The following PIK3C2G variants were observed in gnomAD, a reference collection of about 807,000 sequenced individuals.
PIK3C2G encodes phosphatidylinositol 3-kinase C2 domain-containing subunit gamma.
A neutral mutation model predicts 181.1 loss-of-function variants in PIK3C2G; 168 were observed. The observed-to-expected ratio is 0.93, with a 90% CI of 0.82 to 1.05. PIK3C2G has a LOEUF of 1.05. Ranked by LOEUF, PIK3C2G falls within the 50% of genes least tolerant of loss-of-function variation. PIK3C2G has a pLI of 0.00. For synonymous variants in PIK3C2G, 573 were observed against 592.2 expected, an observed-to-expected ratio of 0.97 and a Z score of 0.47; for missense variants, 1,869 against 1,732.8, an observed-to-expected ratio of 1.08 and a Z score of -1.40.
upstream of PIK3C2G, among the ~76,000 whole-genome samples, chr12:18,246,518 G>T (rs886610109): frequency 2.0e-5 from 3 of 151,782 alleles, no homozygotes; most frequent in Admixed American, 6.6e-5. Flanking sequence ...CAAAGATCTG[G>T]GTTAGATTCC....
the PIK3C2G span, chr12:18,683,115 C>T: frequency 3.6e-6 from 3 of 836,328 alleles, no homozygotes; most frequent in African/African-American, 1.7e-5. Flanking sequence ...AGTGAATGGG[C>T]TCAATATTTC....
chr12:18,410,213 G>A (rs886451484), intron 16 of PIK3C2G, among the ~76,000 whole-genome samples: 6 of 152,108 alleles, frequency 3.9e-5, no homozygotes, highest in Non-Finnish European at 8.8e-5. Flanking sequence ...GAGCCTTATT[G>A]TTCAGGCCAG....
intron 18 of PIK3C2G, among the ~76,000 whole-genome samples, chr12:18,470,110 G>C (rs546477672): frequency 6.6e-6 from 1 of 151,988 alleles, no homozygotes; most frequent in Non-Finnish European, 1.5e-5. Context: ...GTGGGTGATA[G>C]ACTGCCAATT....
chr12:18,659,948 T>C, the PIK3C2G span, among the ~76,000 whole-genome samples: 2 of 152,040 alleles, frequency 1.3e-5, no homozygotes, highest in African/African-American at 2.4e-5. Context: ...CAAATTTACA[T>C]AGAGAAATAA....
the PIK3C2G span, among the ~76,000 whole-genome samples, chr12:18,663,274 G>A: frequency 6.6e-6 from 1 of 152,064 alleles, no homozygotes; most frequent in East Asian, 1.9e-4. Flanking sequence ...TTGAAAAGAA[G>A]AGGCAAAATT....
At chr12:18,346,513 A>C in intron 10 of PIK3C2G, 128 bp from the exon 11 acceptor site, 1 of 540,832 alleles carries the variant, frequency 1.8e-6, no homozygotes, top group Admixed American at 3.6e-5. Flanking sequence ...AATTCTCTTC[A>C]ATTGGTAAAG....
chr12:18,696,004 A>T, the PIK3C2G span: 1 of 540,638 alleles, frequency 1.8e-6, no homozygotes. Context: ...CTTACAACAC[A>T]TGACCCACCA....
At chr12:18,719,881 T>C in the PIK3C2G span, among the ~76,000 whole-genome samples, 1 of 152,012 alleles carries the variant, frequency 6.6e-6, no homozygotes, top group Admixed American at 6.6e-5. Flanking sequence ...GTTTTGAAAA[T>C]ACACACAAGA....
At chr12:18,281,902 A>T (rs1026427060) in intron 1 of PIK3C2G, 102 bp from the exon 2 acceptor site, 3 of 548,648 alleles carry the variant, frequency 5.5e-6, no homozygotes, top group Non-Finnish European at 9.8e-6. Flanking sequence ...GCTAAAAAAA[A>T]GCCCACAAAA....
Position 18,373,137 on chromosome 12 carries a change from G to C in PIK3C2G, c.1880+1826G>C, listed in dbSNP as rs367931556. ...ATATGTCACATGGGGCAATTGGGAG[G>C]CTGCAAAGACTCCACTTTGTTCGTT... On this transcript the variant is annotated intron_variant, in intron 13 of 32. Coordinates refer to ENST00000538779, the MANE Select transcript of PIK3C2G (RefSeq NM_001288772.2). Among the ~76,000 whole-genome samples, 50 of 152,290 alleles carry C rather than the reference G, an allele frequency of 3.3e-4. No individual in the cohort carries two copies. In the East Asian group the frequency reaches 4.6e-3, roughly 14 times the overall value.
chr12:18,392,956 C>T (rs1278912484), intron 15 of PIK3C2G, among the ~76,000 whole-genome samples: 3 of 151,998 alleles, frequency 2.0e-5, no homozygotes, highest in Non-Finnish European at 4.4e-5. Context: ...AGACTATTGT[C>T]ATCTTAACTA....
Position 18,546,379 on chromosome 12 carries a change from T to A in PIK3C2G, c.3537T>A (p.Tyr1179Ter), listed in dbSNP as rs1944426372. Residue 1179 changes from tyrosine to a stop codon, truncating the protein, a stop_gained, in exon 26 of 33, where the codon TAT (tyrosine) becomes TAA (stop). Transcript: ENST00000538779. LOFTEE classifies it high-confidence loss of function. ...GAATTCAAGACCTGAAATATGTGTA[T>A]AATAATCTTCGTCCACAAGACACAG... ...LSGIQDLKYV[Y>*]NNLRPQDTDL... The A allele has an allele frequency of 6.2e-7, 1 of 1,601,998 alleles. No homozygotes were observed. The highest frequency in any genetic ancestry group is 1.1e-5 in the South Asian group (1 of 88,836).
At chr12:18,603,811 A>G (rs1049662048) in intron 30 of PIK3C2G, among the ~76,000 whole-genome samples, 3 of 152,204 alleles carry the variant, frequency 2.0e-5, no homozygotes, top group Non-Finnish European at 4.4e-5. Context: ...TTTTTCAGAC[A>G]AACAAATGCT....
At chr12:18,692,837 C>A in the PIK3C2G span, 5 of 1,582,948 alleles carry the variant, frequency 3.2e-6, no homozygotes, top group Non-Finnish European at 4.3e-6. Flanking sequence ...AACTCAAGGA[C>A]AAGAAAAAGA....
chr12:18,564,352 A>G (rs956355699), intron 28 of PIK3C2G, among the ~76,000 whole-genome samples: 3 of 151,714 alleles, frequency 2.0e-5, no homozygotes, highest in African/African-American at 7.3e-5. Flanking sequence ...TGTTTTATCT[A>G]CAGTGAGATT....
At chr12:18,551,498 G>C (rs937058200) in intron 26 of PIK3C2G, among the ~76,000 whole-genome samples, 1 of 152,012 alleles carries the variant, frequency 6.6e-6, no homozygotes, top group African/African-American at 2.4e-5. Flanking sequence ...AAGAGAGTGA[G>C]AGGACATTTT....
chr12:18,545,111 G>A (rs1944355003), intron 25 of PIK3C2G, among the ~76,000 whole-genome samples: 1 of 151,692 alleles, frequency 6.6e-6, no homozygotes, highest in South Asian at 2.1e-4. Context: ...AATCCTTAAT[G>A]TTGCCAGAAT....
chr12:18,643,228 A>G (rs182166742), intron 32 of PIK3C2G, among the ~76,000 whole-genome samples: 15 of 152,274 alleles, frequency 9.9e-5, no homozygotes, highest in African/African-American at 3.4e-4. Context: ...TGCAATACCT[A>G]GGTCCTCACA....
intron 1 of PIK3C2G, among the ~76,000 whole-genome samples, chr12:18,273,636 C>T (rs1003901239): frequency 3.3e-5 from 5 of 152,010 alleles, no homozygotes; most frequent in African/African-American, 4.8e-5. Context: ...TTCTTTACAC[C>T]TTATACAAAA....
Sources: allele counts gnomAD v4.1 joint callset (sites outside exome capture counted in the v4.1 genomes callset), GRCh38; gene constraint gnomAD v4.1.1; transcripts MANE v1.5; gene names NCBI Gene and HGNC (gene_info 2026-07-23, HGNC 2026-07-21).